PHF24: variants seen among roughly 807,000 people sequenced by gnomAD.
The protein encoded by PHF24 is PHD finger protein 24, also known as Galpha inhibitory interacting protein.
In PHF24, 25 loss-of-function variants were observed where a neutral mutation model predicts 42.6. The observed-to-expected ratio is 0.59, with a 90% CI of 0.43 to 0.82. The LOEUF is 0.82. Among genes scored for constraint, PHF24 ranks in the 40% least tolerant of loss-of-function variants. The pLI, the probability that PHF24 is intolerant of heterozygous loss-of-function variation, is 0.00. For synonymous variants in PHF24, 185 were observed against 204.8 expected (o/e 0.90, Z 0.83); for missense variants, 470 against 538.1 (o/e 0.87, Z 1.25).
chr9:34,887,538 C>T, the PHF24 span, among the ~76,000 whole-genome samples: 1 of 152,304 alleles, frequency 6.6e-6, no homozygotes, highest in East Asian at 1.9e-4. Context: ...CATCCTCCAA[C>T]CTCCAGGCAT....
At chr9:34,835,684 G>T in the PHF24 span, 3,003 of 1,551,066 alleles carry the variant, frequency 1.9e-3, 30 homozygotes, top group South Asian at 0.016. Context: ...TTGAAATTCC[G>T]GCCCTAGCTG....
At chr9:34,751,252 A>T in the PHF24 span, among the ~76,000 whole-genome samples, 3 of 152,028 alleles carry the variant, frequency 2.0e-5, no homozygotes, top group African/African-American at 7.2e-5. Context: ...ATAATTCCAG[A>T]TACTTGGGAG....
chr9:34,700,823 A>C, the PHF24 span, among the ~76,000 whole-genome samples: 1 of 152,142 alleles, frequency 6.6e-6, no homozygotes, highest in African/African-American at 2.4e-5. Context: ...TCAGGGAAGG[A>C]GGTGGCAGTC....
the PHF24 span, among the ~76,000 whole-genome samples, chr9:34,778,108 G>A: frequency 2.0e-5 from 3 of 152,114 alleles, no homozygotes; most frequent in Non-Finnish European, 4.4e-5. Flanking sequence ...GTTCTCTCTT[G>A]GATGATCTAT....
the PHF24 span, chr9:34,710,017 C>T: frequency 6.2e-7 from 1 of 1,614,096 alleles, no homozygotes; most frequent in South Asian, 1.1e-5. Flanking sequence ...CCTGGGGATG[C>T]CAAAGGCCAG....
the PHF24 span, chr9:34,835,806 C>A: frequency 6.6e-7 from 1 of 1,515,642 alleles, no homozygotes; most frequent in South Asian, 1.2e-5. Context: ...TTATAGATGC[C>A]AGTGAAAGCT....
At chr9:34,709,752 T>C in the PHF24 span, 1 of 1,613,968 alleles carries the variant, frequency 6.2e-7, no homozygotes, top group East Asian at 2.2e-5. Context: ...CACCAGCCAG[T>C]ACCCACCCCT....
chr9:34,931,273 G>A, the PHF24 span, among the ~76,000 whole-genome samples: 17 of 151,322 alleles, frequency 1.1e-4, no homozygotes, highest in East Asian at 7.8e-4. Flanking sequence ...CTACTCGGGA[G>A]GCTGAGGCAG....
the PHF24 span, among the ~76,000 whole-genome samples, chr9:34,875,950 ACTCTCTCTCT>A: frequency 0.048 from 3,733 of 78,554 alleles, 82 homozygotes; most frequent in Middle Eastern, 0.11. Context: ...ACACACACAC[ACTCTCTCTCT>A]CTCTCTCTCT....
chr9:34,685,084 T>G, the PHF24 span, among the ~76,000 whole-genome samples: 1 of 152,264 alleles, frequency 6.6e-6, no homozygotes, highest in East Asian at 1.9e-4. Context: ...GATGCTGCCT[T>G]GCTGCCCTCA....
the PHF24 span, among the ~76,000 whole-genome samples, chr9:34,929,221 G>A: frequency 6.6e-6 from 1 of 152,140 alleles, no homozygotes; most frequent in East Asian, 1.9e-4. Flanking sequence ...ACCTCCTCTG[G>A]AGGGAGTTTC....
At chr9:34,697,868 T>C in the PHF24 span, among the ~76,000 whole-genome samples, 6 of 152,190 alleles carry the variant, frequency 3.9e-5, 1 homozygote, top group Non-Finnish European at 8.8e-5. Context: ...TGAGATGCTC[T>C]CTTGGGACTG....
the PHF24 span, among the ~76,000 whole-genome samples, chr9:34,780,899 C>A: frequency 6.6e-6 from 1 of 152,250 alleles, no homozygotes; most frequent in Non-Finnish European, 1.5e-5. Flanking sequence ...CAAATCAAAA[C>A]CACAGTAAGG....
At chr9:34,761,181 T>A in the PHF24 span, among the ~76,000 whole-genome samples, 6 of 152,156 alleles carry the variant, frequency 3.9e-5, no homozygotes. Context: ...TCTTTTCCCT[T>A]TTTGCTTTGG....
chr9:34,721,710 C>T, the PHF24 span, among the ~76,000 whole-genome samples: 6 of 152,174 alleles, frequency 3.9e-5, no homozygotes, highest in South Asian at 2.1e-4. Context: ...TGTGCCCAGC[C>T]GTCCACTCTC....
At chr9:34,753,760 C>G in the PHF24 span, among the ~76,000 whole-genome samples, 1 of 152,090 alleles carries the variant, frequency 6.6e-6, no homozygotes, top group Non-Finnish European at 1.5e-5. Context: ...GTACAGTAAC[C>G]AAAACAGCAT....
At chr9:34,756,281 T>G in the PHF24 span, among the ~76,000 whole-genome samples, 1 of 147,900 alleles carries the variant, frequency 6.8e-6, no homozygotes. Context: ...GTATTTTTAG[T>G]AGAGATGGGG....
At chr9:34,782,476 G>A in the PHF24 span, among the ~76,000 whole-genome samples, 1 of 152,152 alleles carries the variant, frequency 6.6e-6, no homozygotes, top group African/African-American at 2.4e-5. Flanking sequence ...TTCTTGGACT[G>A]ATTCAAGGTC....
the PHF24 span, among the ~76,000 whole-genome samples, chr9:34,780,321 C>A: frequency 1.9e-5 from 2 of 102,580 alleles, no homozygotes; most frequent in East Asian, 3.4e-4. Context: ...TTTTTTGAGA[C>A]AGTCTTACTC....
Sources: gnomAD v4.1 joint callset for allele counts (sites outside exome capture counted in the v4.1 genomes callset) on GRCh38, gnomAD v4.1.1 for gene constraint, MANE v1.5 for transcripts, NCBI Gene and HGNC (gene_info 2026-07-23, HGNC 2026-07-21) for gene names.